The following TGFBRAP1 variants were observed in gnomAD, a reference collection of about 807,000 sequenced individuals.
The protein encoded by TGFBRAP1 is transforming growth factor-beta receptor-associated protein 1.
A neutral mutation model predicts 83.2 loss-of-function variants in TGFBRAP1; 20 were observed. The ratio of observed to expected loss-of-function variants is 0.24; its 90% CI spans 0.17 to 0.35. The LOEUF is 0.35. Ranked by LOEUF, TGFBRAP1 falls within the 10% of genes least tolerant of loss-of-function variation. The probability of loss-of-function intolerance (pLI) is 1.00; values close to 1 mark genes in which losing one functional copy is unlikely to be tolerated. For synonymous variants in TGFBRAP1, 415 were observed against 459.8 expected (o/e 0.90, Z 1.25); for missense variants, 950 against 1,099.4 (o/e 0.86, Z 1.92).
At position 105,305,078 on chromosome 2, in the gene TGFBRAP1, T is replaced by C. The variant is rs1486546750; in HGVS notation, c.688+2536A>G. Among the ~76,000 whole-genome samples the C allele has an allele frequency of 7.9e-5, 12 of 152,172 alleles. No homozygotes were observed. In the Middle Eastern group the frequency reaches 0.01, roughly 129 times the overall value. On this transcript the variant is annotated intron_variant, in intron 2 of 11. Coordinates refer to ENST00000393359, the MANE Select transcript of TGFBRAP1 (RefSeq NM_004257.6). ...CCTAATATAAACTATGGGCTTCGGG[T>C]GCTAATGATGTGCCCCCTGTACCAC...
chr2:105,307,225 C>T (rs530132519), intron 2 of TGFBRAP1, among the ~76,000 whole-genome samples: 40 of 152,286 alleles, frequency 2.6e-4, no homozygotes, highest in Non-Finnish European at 4.1e-4. Flanking sequence ...TCTTTCAGAA[C>T]GTACTGTCTC....
Position 105,319,624 on chromosome 2 carries a change from G to A in TGFBRAP1, c.-18+10001C>T, listed in dbSNP as rs188301563. 6.1e-3 allele frequency among the ~76,000 whole-genome samples: 897 copies of A among 147,984 alleles called. 13 individuals carry two copies. Among genetic ancestry groups the A allele is most frequent in the African/African-American group, 0.021 (854 of 40,638 alleles). On this transcript the variant is annotated intron_variant, in intron 1 of 11. Transcript: ENST00000393359. Reference sequence around the variant, plus strand: ...GGAGAATCACTTGAACCCAGGAGGCGGAGGTTGCAGTGAGCTGAGATCATG... The same window carrying A: ...GGAGAATCACTTGAACCCAGGAGGCAGAGGTTGCAGTGAGCTGAGATCATG...
At chr2:105,310,259 C>T (rs963488175) in intron 1 of TGFBRAP1, among the ~76,000 whole-genome samples, 2 of 152,162 alleles carry the variant, frequency 1.3e-5, no homozygotes, top group Non-Finnish European at 2.9e-5. Flanking sequence ...ATCATAAATA[C>T]TATGATTCCC....
chr2:105,285,182 T>C (rs1677674469), intron 4 of TGFBRAP1, among the ~76,000 whole-genome samples: 1 of 152,258 alleles, frequency 6.6e-6, no homozygotes, highest in Non-Finnish European at 1.5e-5. Context: ...AATCGCCTCA[T>C]GAGTAAAGAC....
intron 1 of TGFBRAP1, among the ~76,000 whole-genome samples, chr2:105,319,276 G>A (rs1048741904): frequency 1.3e-5 from 2 of 151,846 alleles, no homozygotes. Flanking sequence ...TGGTCAGGCT[G>A]GTCTCAAACT....
chr2:105,290,850 C>CA (rs1558640019), intron 4 of TGFBRAP1, among the ~76,000 whole-genome samples: 1 of 151,880 alleles, frequency 6.6e-6, no homozygotes, highest in African/African-American at 2.4e-5. Context: ...ACTGAAAATA[C>CA]AAAAAATTAG....
chr2:105,263,134 G>C (rs574946953), downstream of TGFBRAP1, among the ~76,000 whole-genome samples: 2 of 152,134 alleles, frequency 1.3e-5, no homozygotes, highest in Non-Finnish European at 2.9e-5. Context: ...CTAATCTGCC[G>C]TTGTAACATT....
chr2:105,253,285 A>G, the TGFBRAP1 span, among the ~76,000 whole-genome samples: 1 of 152,108 alleles, frequency 6.6e-6, no homozygotes, highest in Non-Finnish European at 1.5e-5. Flanking sequence ...GGCATGTGCC[A>G]TGACACCTGG....
intron 1 of TGFBRAP1, chr2:105,324,312 A>G (rs1448550435): frequency 6.6e-6 from 1 of 152,252 alleles, no homozygotes; most frequent in Non-Finnish European, 1.5e-5. Context: ...TTCAAATTTT[A>G]AAATGAAAAT....
Position 105,280,513 on chromosome 2 carries a change from G to A in TGFBRAP1, c.1332C>T (p.Tyr444=). 4 of 1,614,172 alleles carry A rather than the reference G, an allele frequency of 2.5e-6. No individual in the cohort carries two copies. The highest frequency in any genetic ancestry group is 3.4e-6 in the Non-Finnish European group (4 of 1,180,038). ...EVRSTEVANG[Y]KEDIDTALLK... ...GCAAGGCTGTGTCGATGTCCTCCTTGTAGCCATTTGCTACCTCTGTGCTGC... is the reference window on the plus strand; with the variant it reads ...GCAAGGCTGTGTCGATGTCCTCCTTATAGCCATTTGCTACCTCTGTGCTGC... The change falls in exon 6 of 12, where the codon TAC becomes TAT. Residue 444 remains tyrosine, a synonymous_variant. Transcript: ENST00000393359.
chr2:105,318,073 C>T (rs976560360), intron 1 of TGFBRAP1, among the ~76,000 whole-genome samples: 1 of 152,174 alleles, frequency 6.6e-6, no homozygotes, highest in Non-Finnish European at 1.5e-5. Context: ...ACCTAGGAAG[C>T]CCCTGCCATG....
At chr2:105,281,423 G>A (rs1044341822) in intron 5 of TGFBRAP1, among the ~76,000 whole-genome samples, 1 of 152,072 alleles carries the variant, frequency 6.6e-6, no homozygotes, top group Non-Finnish European at 1.5e-5. Context: ...ACAGAAGCAG[G>A]GGCCACCCCA....
chr2:105,323,903 C>CA (rs931781309), intron 1 of TGFBRAP1, among the ~76,000 whole-genome samples: 19 of 152,244 alleles, frequency 1.2e-4, no homozygotes, highest in Admixed American at 7.8e-4. Context: ...TGTCAGAGAG[C>CA]ATCTCGAATC....
Position 105,272,870 on chromosome 2 carries a change from C to G in TGFBRAP1, c.1957G>C (p.Val653Leu), listed in dbSNP as rs1452730126. 1 of 1,608,168 alleles carries G rather than the reference C, an allele frequency of 6.2e-7. No individual in the cohort carries two copies. Reference protein sequence around the residue: ...RLLQKSDLYRVHFLLERLQGA... With the variant: ...RLLQKSDLYRLHFLLERLQGA... ...TCATCCTCACCGAGAAGAAAGTGGA[C>G]TCGGTATAAATCAGATTTCTGGAGC... is the stretch of plus-strand genomic sequence containing the variant. The change falls in exon 10 of 12, where the codon GTC becomes CTC. Residue 653 changes from valine to leucine, a missense_variant. Val to Leu is a conservative substitution (Grantham distance 32). Transcript: ENST00000393359.
At chr2:105,318,442 G>A (rs1678952844) in intron 1 of TGFBRAP1, among the ~76,000 whole-genome samples, 1 of 151,950 alleles carries the variant, frequency 6.6e-6, no homozygotes, top group Admixed American at 6.6e-5. Flanking sequence ...ATTTTTATAG[G>A]CATTAAATAT....
intron 1 of TGFBRAP1, among the ~76,000 whole-genome samples, chr2:105,311,161 AC>A (rs869198169): frequency 2.2e-4 from 24 of 106,744 alleles, no homozygotes; most frequent in African/African-American, 5.8e-4. Flanking sequence ...AAAAAAAAAA[AC>A]AAAAAACAAA....
intron 4 of TGFBRAP1, among the ~76,000 whole-genome samples, chr2:105,285,372 T>C (rs141396570): frequency 6.8e-4 from 104 of 152,354 alleles, no homozygotes; most frequent in African/African-American, 2.4e-3. Flanking sequence ...TCCATTTGTA[T>C]GAAACTCCAC....
intron 1 of TGFBRAP1, among the ~76,000 whole-genome samples, chr2:105,319,668 G>A (rs1678996068): frequency 6.9e-6 from 1 of 144,650 alleles, no homozygotes; most frequent in African/African-American, 2.5e-5. Context: ...CTCCAGCCTG[G>A]GCAACAAGAG....
intron 1 of TGFBRAP1, among the ~76,000 whole-genome samples, chr2:105,329,365 G>A (rs968756940): frequency 6.6e-6 from 1 of 151,814 alleles, no homozygotes; most frequent in Non-Finnish European, 1.5e-5. Context: ...ACACTTATTT[G>A]CTCACCCCAG....
Sources: allele counts gnomAD v4.1 joint callset (sites outside exome capture counted in the v4.1 genomes callset), GRCh38; gene constraint gnomAD v4.1.1; transcripts MANE v1.5; gene names NCBI Gene and HGNC (gene_info 2026-07-23, HGNC 2026-07-21).